The following PML variants were observed in gnomAD, a reference collection of about 807,000 sequenced individuals.
PML encodes PML nuclear body scaffold, also known as protein PML.
Under a neutral mutation model 65.2 loss-of-function variants are expected in PML, and 28 were observed. The ratio of observed to expected loss-of-function variants is 0.43; its 90% CI spans 0.32 to 0.59. The LOEUF (loss-of-function observed/expected upper bound fraction) is 0.59. PML is among the 20% of genes least tolerant of loss of function. PML has a pLI of 0.08. For missense variants in PML, 1,021 were observed against 1,203.4 expected, an observed-to-expected ratio of 0.85 and a Z score of 2.24; for synonymous variants, 500 against 508.8, an observed-to-expected ratio of 0.98 and a Z score of 0.23.
chr15:74,022,938 A>G lies in PML; in HGVS notation c.713A>G (p.Glu238Gly). 6.2e-7 allele frequency: 1 copy of G among 1,612,118 alleles called. No individual in the cohort carries two copies. The highest frequency in any genetic ancestry group is 8.5e-7 in the Non-Finnish European group (1 of 1,179,272). Residue 238 changes from glutamate (E) to glycine (G), a missense_variant, in exon 3 of 9, where the codon GAG becomes GGG. Transcript: ENST00000268058. ...AGCGCAGAGATCCAGCAGCGACAGG[A>G]GGAGCTGGACGCCATGACGCAGGCG... ...DISAEIQQRQ[E>G]ELDAMTQALQ...
rs1287900725 is a variant in PML at position 74,044,116 on chromosome 15, G to A, written c.1862-105G>A. Reference sequence around the variant, plus strand: ...GTGGCTACTGCCAGCAGACCCCAAGGTGAGGTCTCTAGATGGTGAGTCAGC... The same window carrying A: ...GTGGCTACTGCCAGCAGACCCCAAGATGAGGTCTCTAGATGGTGAGTCAGC... On this transcript the variant is annotated intron_variant, in intron 8 of 8. Transcript: ENST00000268058. 5 of 1,080,704 alleles carry A rather than the reference G, an allele frequency of 4.6e-6. No homozygotes were observed. In the African/African-American group the frequency reaches 7.7e-5, roughly 17 times the overall value. The allele number at this position is 1,080,704 out of a possible 1,614,324, so 66.9% of individuals were successfully genotyped here.
At chr15:74,034,279 G>A in intron 6 of PML, 199 bp from the exon 7 acceptor site, 1 of 682,876 alleles carries the variant, frequency 1.5e-6, no homozygotes, top group Non-Finnish European at 2.6e-6. Context: ...AGAAATTATG[G>A]AAACCCATTT....
In PML at chr15:74,044,384, C is replaced by G. The variant is rs61751123; in HGVS notation, c.2025C>G (p.Ala675=). 9 of 1,614,106 alleles carry G rather than the reference C, an allele frequency of 5.6e-6. No individual in the cohort carries two copies. The highest frequency in any genetic ancestry group is 7.6e-6 in the Non-Finnish European group (9 of 1,180,048). The part of the protein sequence containing the change: ...FLSSMRRPIL[A]CYKLWGPGLP... ...GCTCCATGCGCCGCCCTATCTTGGC[C>G]TGCTACAAGCTGTGGGGGCCTGGCC... The change falls in exon 9 of 9, where the codon GCC becomes GCG. Residue 675 remains alanine (A), a synonymous_variant. Coordinates refer to ENST00000268058, the MANE Select transcript of PML (RefSeq NM_033238.3).
At chr15:74,036,011 C>T (rs555380806) in intron 7 of PML, 16 of 1,614,152 alleles carry the variant, frequency 9.9e-6, no homozygotes, top group East Asian at 2.2e-5. Flanking sequence ...CCTGAGCTGC[C>T]TCCTCCAGCC....
rs765841772 is a variant in PML, at chr15:74,044,690, C to T, written c.2331C>T (p.Cys777=). The change falls in exon 9 of 9, where the codon TGC becomes TGT. Residue 777 remains cysteine, a synonymous_variant. Coordinates refer to ENST00000268058, the MANE Select transcript of PML (RefSeq NM_033238.3). ...TCTACCCCTTCAGTAGCCTGCAGTG[C>T]TTTGCCTCCCTGCAGCCCCTGGTGC... is the stretch of plus-strand genomic sequence containing the variant. ...QHVYPFSSLQ[C]FASLQPLVQA... The T allele has an allele frequency of 1.2e-6, 2 of 1,607,372 alleles. No individual in the cohort carries two copies. The highest frequency in any genetic ancestry group is 8.5e-7 in the Non-Finnish European group (1 of 1,179,928).
chr15:74,036,353 C>G (rs1034354095), intron 7 of PML: 2 of 1,404,886 alleles, frequency 1.4e-6, no homozygotes, highest in African/African-American at 2.9e-5. Context: ...ATCCCAAGAC[C>G]TGGCAGATGT....
At position 74,044,375 on chromosome 15, in the gene PML, T is replaced by C; in HGVS notation, c.2016T>C (p.Pro672=). 1 of 1,614,212 alleles carries C rather than the reference T, an allele frequency of 6.2e-7. No individual in the cohort carries two copies. The change falls in exon 9 of 9, where the codon CCT becomes CCC. Residue 672 remains proline, a synonymous_variant. Coordinates refer to ENST00000268058, the MANE Select transcript of PML (RefSeq NM_033238.3). ...GCTTTCTGAGCTCCATGCGCCGCCC[T>C]ATCTTGGCCTGCTACAAGCTGTGGG... ...FLSFLSSMRR[P]ILACYKLWGP...
In PML at chr15:74,045,055, G is replaced by T; in HGVS notation, c.*47G>T. 6.6e-7 allele frequency: 1 copy of T among 1,511,012 alleles called. No homozygotes were observed. Among genetic ancestry groups the T allele is most frequent in the South Asian group, 1.2e-5 (1 of 81,466 alleles). 93.6% of individuals were successfully genotyped at this position (1,511,012 alleles called of 1,614,324 possible). Reference sequence around the variant, plus strand: ...GAGTCTCTGGTGGGCAGAGAGGGATGGGGTCCCTGAGCCAGGCCCCACCCA... The same window carrying T: ...GAGTCTCTGGTGGGCAGAGAGGGATTGGGTCCCTGAGCCAGGCCCCACCCA... On this transcript the variant is annotated 3_prime_UTR_variant, in exon 9 of 9. Transcript: ENST00000268058.
chr15:74,043,495 G>A lies in PML; in HGVS notation c.1861+356G>A, dbSNP rs1460494477. 1 of 597,720 alleles carries A rather than the reference G, an allele frequency of 1.7e-6. No homozygotes were observed. Among genetic ancestry groups the A allele is most frequent in the African/African-American group, 2.0e-5 (1 of 49,834 alleles). 37.0% of individuals were successfully genotyped at this position (597,720 alleles called of 1,614,324 possible). A position where few individuals can be genotyped will look rare whatever the true frequency, so the allele number is the denominator to read the frequency against. On this transcript the variant is annotated intron_variant, in intron 8 of 8. Coordinates refer to ENST00000268058, the MANE Select transcript of PML (RefSeq NM_033238.3). This position sits in a 1 kb window ranked among gnomAD's most constrained non-coding sequence, Gnocchi z 4.3. Reference sequence around the variant, plus strand: ...CCCTGTCATCCAAGTAAGGCCTCTGGCTGTGCTACACGTTTCTGAGTAGAG... The same window carrying A: ...CCCTGTCATCCAAGTAAGGCCTCTGACTGTGCTACACGTTTCTGAGTAGAG...
At position 74,035,017 on chromosome 15, in the gene PML, C is replaced by T. The variant is rs1325102180; in HGVS notation, c.1710+487C>T. ...CATTCCACAGTGAAACAGGTGGCCTCGTGGGTAGTGACCCTTCTGTCCCTA... is the reference window on the plus strand; with the variant it reads ...CATTCCACAGTGAAACAGGTGGCCTTGTGGGTAGTGACCCTTCTGTCCCTA... On this transcript the variant is annotated intron_variant, in intron 7 of 8. Transcript: ENST00000268058. The surrounding 1 kb of genome is among the most constrained non-coding windows in gnomAD (Gnocchi z 4.1). 13 of 1,526,150 alleles carry T rather than the reference C, an allele frequency of 8.5e-6. No homozygotes were observed. The highest frequency in any genetic ancestry group is 6.8e-5 in the African/African-American group (5 of 73,176). The allele number at this position is 1,526,150 out of a possible 1,614,324, so 94.5% of individuals were successfully genotyped here.
intron 1 of PML, 149 bp from the exon 2 acceptor site, chr15:73,997,855 T>C (rs2069579992): frequency 8.6e-6 from 6 of 698,530 alleles, no homozygotes; most frequent in Admixed American, 2.2e-5. Context: ...GGTATTGGGG[T>C]GCTGATAAGC....
In PML at chr15:74,034,628, G is replaced by A. The variant is rs769598989; in HGVS notation, c.1710+98G>A. 86 of 1,612,800 alleles carry A rather than the reference G, an allele frequency of 5.3e-5. No homozygotes were observed. The highest frequency in any genetic ancestry group is 3.6e-4 in the African/African-American group (27 of 74,990). On this transcript the variant is annotated intron_variant, in intron 7 of 8. Transcript: ENST00000268058. ...CAGGTGACTCTCAGACTTGCCTTGC[G>A]CCTGGGGAATTTTCCAGTGAGGCAT...
At chr15:74,018,906 G>T (rs1203551454) in intron 2 of PML, among the ~76,000 whole-genome samples, 2 of 152,358 alleles carry the variant, frequency 1.3e-5, no homozygotes, top group East Asian at 3.9e-4. Flanking sequence ...CTTCTGGGCA[G>T]TTTCCCACTT....
In PML at chr15:74,046,084, A is replaced by T. The variant is rs772763636; in HGVS notation, c.*1076A>T. 3.9e-5 allele frequency: 9 copies of T among 232,830 alleles called. No individual in the cohort carries two copies. The highest frequency in any genetic ancestry group is 7.6e-5 in the Non-Finnish European group (9 of 117,852). The allele number at this position is 232,830 out of a possible 1,614,324, so 14.4% of individuals were successfully genotyped here. ...AGGAACAGGTCCCTTCCTAAGCTCT[A>T]GTGTCCCCATCTGTAAAATGGGCTG... On this transcript the variant is annotated 3_prime_UTR_variant, in exon 9 of 9. Coordinates refer to ENST00000268058, the MANE Select transcript of PML (RefSeq NM_033238.3).
chr15:74,042,706 C>T lies in PML; in HGVS notation c.1711-283C>T. ...CACACACAGATTTAGCACTTGGATT[C>T]ATTCCCACACATGCACGTTCACAAC... On this transcript the variant is annotated intron_variant, in intron 7 of 8. Coordinates refer to ENST00000268058, the MANE Select transcript of PML (RefSeq NM_033238.3). This position sits in a 1 kb window ranked among gnomAD's most constrained non-coding sequence, Gnocchi z 5.3. 1 of 985,442 alleles carries T rather than the reference C, an allele frequency of 1.0e-6. No individual in the cohort carries two copies. Among genetic ancestry groups the T allele is most frequent in the Non-Finnish European group, 1.2e-6 (1 of 829,932 alleles). The allele number at this position is 985,442 out of a possible 1,614,324, so 61.0% of individuals were successfully genotyped here. A position where few individuals can be genotyped will look rare whatever the true frequency, so the allele number is the denominator to read the frequency against.
chr15:74,008,504 T>C (rs2141761065), intron 2 of PML, among the ~76,000 whole-genome samples: 2 of 152,186 alleles, frequency 1.3e-5, no homozygotes, highest in Middle Eastern at 3.4e-3. Flanking sequence ...TTTGGGAGGC[T>C]GAGGTGGGCA....
intron 2 of PML, among the ~76,000 whole-genome samples, chr15:74,000,721 G>C (rs1294290867): frequency 1.3e-5 from 2 of 152,012 alleles, no homozygotes; most frequent in Admixed American, 6.6e-5. Context: ...TTTTATTGTG[G>C]TACTTTTTTA....
chr15:74,008,722 G>T (rs2070182949), intron 2 of PML, among the ~76,000 whole-genome samples: 1 of 149,342 alleles, frequency 6.7e-6, no homozygotes, highest in East Asian at 2.0e-4. Context: ...CTGGGTGACA[G>T]AGCGAGACTG....
At chr15:74,016,783 C>T (rs1230220463) in intron 2 of PML, among the ~76,000 whole-genome samples, 3 of 107,342 alleles carry the variant, frequency 2.8e-5, no homozygotes, top group African/African-American at 9.7e-5. Context: ...ATTTTTTAGG[C>T]AGTGGCATCT....
Sources: allele counts gnomAD v4.1 joint callset (sites outside exome capture counted in the v4.1 genomes callset), GRCh38; gene constraint gnomAD v4.1.1; non-coding constraint Gnocchi (gnomAD v3.1); transcripts MANE v1.5; gene names NCBI Gene and HGNC (gene_info 2026-07-23, HGNC 2026-07-21).